Variants in MDGA2 observed in about 807,000 individuals in gnomAD.
MDGA2 encodes MAM domain-containing glycosylphosphatidylinositol anchor protein 2.
A neutral mutation model predicts 117.8 loss-of-function variants in MDGA2; 40 were observed. That is an observed-to-expected ratio of 0.34 (90% CI 0.26 to 0.44). MDGA2 has a LOEUF of 0.44. Among genes scored for constraint, MDGA2 ranks in the 20% least tolerant of loss-of-function variants. The pLI, the probability that MDGA2 is intolerant of heterozygous loss-of-function variation, is 1.00. For synonymous variants in MDGA2, 452 were observed against 439.0 expected (o/e 1.03, Z -0.37); for missense variants, 1,123 against 1,250.6 (o/e 0.90, Z 1.54).
intron 12 of MDGA2, among the ~76,000 whole-genome samples, chr14:46,876,726 G>A (rs1243821740): frequency 6.6e-6 from 1 of 151,276 alleles, no homozygotes; most frequent in East Asian, 1.9e-4. Context: ...TCAGGAACAA[G>A]AATCCTGATA....
At chr14:47,647,844 A>T (rs755615603) in intron 1 of MDGA2, among the ~76,000 whole-genome samples, 8 of 152,126 alleles carry the variant, frequency 5.3e-5, no homozygotes, top group Non-Finnish European at 1.0e-4. Flanking sequence ...AATTCTATAA[A>T]ATTATTGTTA....
chr14:46,991,162 T>C (rs1594502473), intron 8 of MDGA2, among the ~76,000 whole-genome samples: 1 of 152,248 alleles, frequency 6.6e-6, no homozygotes, highest in East Asian at 1.9e-4. Flanking sequence ...CATATTTCTA[T>C]TTAAAGTTCT....
chr14:47,599,018 C>A (rs918039948), intron 1 of MDGA2, among the ~76,000 whole-genome samples: 6 of 151,950 alleles, frequency 3.9e-5, no homozygotes, highest in South Asian at 2.1e-4. Flanking sequence ...TAGAAAGTGT[C>A]TGAGTTCAAA....
intron 3 of MDGA2, among the ~76,000 whole-genome samples, chr14:47,176,076 A>T (rs1011730156): frequency 2.0e-5 from 3 of 152,222 alleles, no homozygotes; most frequent in African/African-American, 7.2e-5. Flanking sequence ...TAAAATACCC[A>T]GGAATCCAAC....
At chr14:46,900,714 G>GT (rs1883251656) in intron 10 of MDGA2, among the ~76,000 whole-genome samples, 1 of 152,268 alleles carries the variant, frequency 6.6e-6, no homozygotes, top group East Asian at 1.9e-4. Flanking sequence ...ATATAAAAGA[G>GT]TAACATCAGG....
intron 8 of MDGA2, among the ~76,000 whole-genome samples, chr14:47,029,816 T>C (rs1888597672): frequency 1.3e-5 from 2 of 151,964 alleles, no homozygotes; most frequent in South Asian, 2.1e-4. Flanking sequence ...ATATCCTGTA[T>C]CCTGTTTTGT....
At chr14:47,577,964 T>C (rs940272470) in intron 1 of MDGA2, among the ~76,000 whole-genome samples, 5 of 152,124 alleles carry the variant, frequency 3.3e-5, no homozygotes, top group Non-Finnish European at 7.3e-5. Context: ...CAAAGACACA[T>C]GCACACTTGT....
chr14:47,061,704 T>C, intron 6 of MDGA2, 126 bp from the exon 7 acceptor site: 1 of 769,786 alleles, frequency 1.3e-6, no homozygotes, highest in Non-Finnish European at 2.0e-6. Context: ...ATATTTCTTT[T>C]TTATATCCAA....
intron 3 of MDGA2, among the ~76,000 whole-genome samples, chr14:47,209,819 A>G (rs1483852698): frequency 6.6e-6 from 1 of 152,218 alleles, no homozygotes; most frequent in East Asian, 1.9e-4. Flanking sequence ...ACTCATTTTA[A>G]TAAGCATTGT....
intron 6 of MDGA2, among the ~76,000 whole-genome samples, chr14:47,077,553 A>G (rs1890541032): frequency 6.6e-6 from 1 of 152,136 alleles, no homozygotes; most frequent in Non-Finnish European, 1.5e-5. Context: ...AACCCAAGTT[A>G]GAAGCTGAAA....
chr14:47,542,335 T>G (rs1198641739), intron 1 of MDGA2, among the ~76,000 whole-genome samples: 1 of 152,220 alleles, frequency 6.6e-6, no homozygotes, highest in Non-Finnish European at 1.5e-5. Context: ...CCTTAGGATA[T>G]TCTACTCACA....
At chr14:47,464,626 G>T (rs1009116246) in intron 1 of MDGA2, among the ~76,000 whole-genome samples, 1 of 152,046 alleles carries the variant, frequency 6.6e-6, no homozygotes, top group Non-Finnish European at 1.5e-5. Flanking sequence ...GCTAACCAGG[G>T]AGGTGAAAGA....
chr14:46,916,633 G>A (rs1345069788), intron 10 of MDGA2, among the ~76,000 whole-genome samples: 1 of 152,072 alleles, frequency 6.6e-6, no homozygotes, highest in Non-Finnish European at 1.5e-5. Context: ...GTTCAGTGCA[G>A]AGGTTATAGT....
intron 9 of MDGA2, among the ~76,000 whole-genome samples, chr14:46,948,806 C>G (rs1231495958): frequency 6.6e-6 from 1 of 152,020 alleles, no homozygotes; most frequent in Non-Finnish European, 1.5e-5. Flanking sequence ...CTCAGACAAG[C>G]CACAAAATAT....
intron 1 of MDGA2, among the ~76,000 whole-genome samples, chr14:47,336,709 A>G (rs1037457648): frequency 3.3e-5 from 5 of 151,964 alleles, no homozygotes; most frequent in Non-Finnish European, 7.4e-5. Context: ...TCCCTCAAAG[A>G]AAAGTAGGCC....
intron 1 of MDGA2, among the ~76,000 whole-genome samples, chr14:47,628,611 A>G (rs1030592633): frequency 6.6e-6 from 1 of 152,214 alleles, no homozygotes; most frequent in Non-Finnish European, 1.5e-5. Flanking sequence ...CAAAACTCCT[A>G]AGACTAAAAC....
At chr14:46,960,823 T>C (rs1243495140) in intron 8 of MDGA2, among the ~76,000 whole-genome samples, 1 of 149,312 alleles carries the variant, frequency 6.7e-6, no homozygotes, top group Non-Finnish European at 1.5e-5. Flanking sequence ...CATATACATA[T>C]GTGTACATAT....
At chr14:47,288,094 T>C (rs1292837176) in intron 2 of MDGA2, among the ~76,000 whole-genome samples, 1 of 151,944 alleles carries the variant, frequency 6.6e-6, no homozygotes, top group Non-Finnish European at 1.5e-5. Flanking sequence ...TTCTTTGTGA[T>C]ACTTTCTTAT....
chr14:47,297,493 T>TTAAGG, intron 2 of MDGA2, among the ~76,000 whole-genome samples: 1 of 64,592 alleles, frequency 1.5e-5, no homozygotes, highest in Non-Finnish European at 2.8e-5. Flanking sequence ...TGGAGGGGTG[T>TTAAGG]GAAGGGAAGG....
Sources: allele counts gnomAD v4.1 joint callset (sites outside exome capture counted in the v4.1 genomes callset), GRCh38; gene constraint gnomAD v4.1.1; transcripts MANE v1.5; gene names NCBI Gene and HGNC (gene_info 2026-07-23, HGNC 2026-07-21).